TSNAX: variants seen among roughly 807,000 people sequenced by gnomAD.
The protein encoded by TSNAX is translin associated factor X.
TSNAX carries 12 observed loss-of-function variants against 33.0 expected under a neutral mutation model. The ratio of observed to expected loss-of-function variants is 0.36; its 90% CI spans 0.23 to 0.59. The LOEUF is 0.59. Ranked by LOEUF, TSNAX falls within the 20% of genes least tolerant of loss-of-function variation. The pLI, the probability that TSNAX is intolerant of heterozygous loss-of-function variation, is 0.74. For missense variants in TSNAX, 267 were observed against 341.3 expected, an observed-to-expected ratio of 0.78 and a Z score of 1.72; for synonymous variants, 110 against 117.2, an observed-to-expected ratio of 0.94 and a Z score of 0.40.
intron 4 of TSNAX, among the ~76,000 whole-genome samples, chr1:231,548,352 C>T (rs765711800): frequency 2.0e-5 from 3 of 152,184 alleles, no homozygotes; most frequent in Non-Finnish European, 1.5e-5. Flanking sequence ...GTAAACTTAA[C>T]TCAGTTCACA....
chr1:231,549,592 A>G (rs1660168520), intron 4 of TSNAX, among the ~76,000 whole-genome samples: 2 of 152,228 alleles, frequency 1.3e-5, no homozygotes, highest in African/African-American at 4.8e-5. Flanking sequence ...AGTTAGATTA[A>G]TTCATGGTTT....
At chr1:231,559,048 C>T (rs1660869167) in intron 4 of TSNAX, among the ~76,000 whole-genome samples, 1 of 152,166 alleles carries the variant, frequency 6.6e-6, no homozygotes, top group African/African-American at 2.4e-5. Context: ...CTCCCCAACA[C>T]TGTTGCTGCC....
chr1:231,553,249 G>A (rs568396621), intron 4 of TSNAX, among the ~76,000 whole-genome samples: 21 of 152,310 alleles, frequency 1.4e-4, no homozygotes, highest in African/African-American at 4.8e-4. Flanking sequence ...TATAGTTTTT[G>A]ATGGAGATTT....
chr1:231,561,052 A>G, intron 4 of TSNAX, 76 bp from the exon 5 acceptor site: 1 of 1,446,990 alleles, frequency 6.9e-7, no homozygotes, highest in South Asian at 1.3e-5. Context: ...ATGATGATCA[A>G]TATGAAGTTT....
Position 231,561,176 on chromosome 1 carries a change from C to T in TSNAX, c.416C>T (p.Thr139Ile). 1 of 1,609,800 alleles carries T rather than the reference C, an allele frequency of 6.2e-7. No individual in the cohort carries two copies. Among genetic ancestry groups the T allele is most frequent in the Non-Finnish European group, 8.5e-7 (1 of 1,177,468 alleles). The part of the protein sequence containing the change: ...EAVSFQHFIK[T>I]RSLISMDEIN... Reference sequence around the variant, plus strand: ...GTCTCTTTTCAACACTTCATCAAAACACGATCATTAATTAGTATGGATGAA... The same window carrying T: ...GTCTCTTTTCAACACTTCATCAAAATACGATCATTAATTAGTATGGATGAA... Residue 139 changes from threonine (T) to isoleucine (I), a missense_variant, in exon 5 of 6, where the codon ACA (threonine) becomes ATA (isoleucine). Physicochemically the swap from Thr to Ile is moderately conservative, Grantham distance 89. Coordinates refer to ENST00000366639, the MANE Select transcript of TSNAX (RefSeq NM_005999.3).
chr1:231,561,186 A>C lies in TSNAX; in HGVS notation c.426A>C (p.Leu142Phe). ...SFQHFIKTRS[L>F]ISMDEINKQL... ...AACACTTCATCAAAACACGATCATT[A>C]ATTAGTATGGATGAAATTAATAAAC... Residue 142 changes from leucine (L) to phenylalanine (F), a missense_variant, in exon 5 of 6, where the codon TTA becomes TTC. Physicochemically the swap from Leu to Phe is conservative, Grantham distance 22 (BLOSUM62 0). Transcript: ENST00000366639. The C allele has an allele frequency of 6.2e-7, 1 of 1,605,588 alleles. No homozygotes were observed. Among genetic ancestry groups the C allele is most frequent in the South Asian group, 1.1e-5 (1 of 90,144 alleles).
At chr1:231,547,824 C>CA (rs1218828678) in intron 4 of TSNAX, among the ~76,000 whole-genome samples, 15 of 144,752 alleles carry the variant, frequency 1.0e-4, no homozygotes, top group Non-Finnish European at 1.7e-4. Flanking sequence ...ATCCAAGGAA[C>CA]AAAAAACCAT....
chr1:231,528,754 A>T lies in TSNAX; in HGVS notation c.-57A>T. 6.2e-7 allele frequency: 1 copy of T among 1,611,330 alleles called. No homozygotes were observed. Among genetic ancestry groups the T allele is most frequent in the Non-Finnish European group, 8.5e-7 (1 of 1,178,300 alleles). On this transcript the variant is annotated 5_prime_UTR_variant, in exon 1 of 6. Transcript: ENST00000366639. ...GGTTCCCTCGGCCTGTACCTCGCGC[A>T]CTCCTCTTGCTCCAGGTCCTTCAGT...
chr1:231,549,094 CTGTCA>C (rs1161646933), intron 4 of TSNAX, among the ~76,000 whole-genome samples: 2 of 152,070 alleles, frequency 1.3e-5, no homozygotes, highest in Admixed American at 6.5e-5. Context: ...TTCCATTTTC[CTGTCA>C]TGTGCTGAGA....
chr1:231,561,558 T>C (rs372681754), intron 5 of TSNAX, among the ~76,000 whole-genome samples: 3 of 152,260 alleles, frequency 2.0e-5, no homozygotes, highest in African/African-American at 7.2e-5. Flanking sequence ...CACTGTCTTA[T>C]TTAATCCTTT....
intron 4 of TSNAX, among the ~76,000 whole-genome samples, chr1:231,553,012 T>A (rs1156649400): frequency 6.6e-6 from 1 of 152,238 alleles, no homozygotes; most frequent in Non-Finnish European, 1.5e-5. Flanking sequence ...TTTTGGGTTG[T>A]TTATACTTTT....
At chr1:231,530,122 A>G (rs1658575046) in intron 2 of TSNAX, among the ~76,000 whole-genome samples, 1 of 152,132 alleles carries the variant, frequency 6.6e-6, no homozygotes, top group East Asian at 1.9e-4. Context: ...GGCCTCCTTC[A>G]GAGAGAGAGA....
intron 2 of TSNAX, among the ~76,000 whole-genome samples, chr1:231,532,195 T>G (rs1384126073): frequency 5.2e-5 from 4 of 76,448 alleles, no homozygotes; most frequent in Admixed American, 1.4e-4. Flanking sequence ...CAGTTTTGGT[T>G]TTTTTTTTTT....
At chr1:231,547,840 T>G (rs1435681768) in intron 4 of TSNAX, among the ~76,000 whole-genome samples, 1 of 129,954 alleles carries the variant, frequency 7.7e-6, no homozygotes, top group East Asian at 2.4e-4. Flanking sequence ...ACCATTGCTT[T>G]CTTTTTTTTT....
At chr1:231,528,953 T>G in intron 1 of TSNAX, 127 bp downstream of exon 1, 1 of 1,268,174 alleles carries the variant, frequency 7.9e-7, no homozygotes, top group South Asian at 1.2e-5. Context: ...GGGCGGCCCC[T>G]CTGTTTCTCT....
intron 3 of TSNAX, 38 bp downstream of exon 3, chr1:231,537,365 C>A: frequency 7.6e-7 from 1 of 1,318,416 alleles, no homozygotes; most frequent in Non-Finnish European, 1.1e-6. Context: ...CAGTTTGATA[C>A]TAGCTATTAG....
chr1:231,540,958 T>G (rs1165341348), intron 3 of TSNAX, among the ~76,000 whole-genome samples: 1 of 152,236 alleles, frequency 6.6e-6, no homozygotes, highest in Non-Finnish European at 1.5e-5. Flanking sequence ...AGAACGTATA[T>G]CTTTTCATCC....
At chr1:231,560,415 CCCCT>C (rs1455024865) in intron 4 of TSNAX, among the ~76,000 whole-genome samples, 1 of 108,466 alleles carries the variant, frequency 9.2e-6, no homozygotes, top group Non-Finnish European at 1.9e-5. Flanking sequence ...CTCCCCCCCC[CCCCT>C]TTTTTTTTTT....
intron 4 of TSNAX, among the ~76,000 whole-genome samples, chr1:231,556,877 T>TG (rs1277203615): frequency 6.6e-6 from 1 of 151,800 alleles, no homozygotes; most frequent in Non-Finnish European, 1.5e-5. Flanking sequence ...ATAATGTAAG[T>TG]GGGGGTGAAA....
Sources: allele counts gnomAD v4.1 joint callset (sites outside exome capture counted in the v4.1 genomes callset), GRCh38; gene constraint gnomAD v4.1.1; transcripts MANE v1.5; gene names NCBI Gene and HGNC (gene_info 2026-07-23, HGNC 2026-07-21).